The following MEF2A variants were observed in gnomAD, a reference collection of about 807,000 sequenced individuals.
MEF2A encodes myocyte-specific enhancer factor 2A.
A neutral mutation model predicts 55.8 loss-of-function variants in MEF2A; 28 were observed. The ratio of observed to expected loss-of-function variants is 0.50; its 90% CI spans 0.37 to 0.69. MEF2A has a LOEUF of 0.69. MEF2A is among the 30% of genes least tolerant of loss of function. The pLI is 0.00. For synonymous variants in MEF2A, 239 were observed against 227.1 expected, an observed-to-expected ratio of 1.05 and a Z score of -0.47; for missense variants, 528 against 626.2, an observed-to-expected ratio of 0.84 and a Z score of 1.67.
intron 7 of MEF2A, chr15:99,678,878 G>GT (rs367636920): frequency 6.6e-4 from 109 of 165,616 alleles, no homozygotes; most frequent in Middle Eastern, 3.0e-3. Flanking sequence ...CAATAGAGAG[G>GT]TTTTTTTTTA....
chr15:99,652,655 TA>T (rs895504286), intron 4 of MEF2A, among the ~76,000 whole-genome samples: 1 of 152,204 alleles, frequency 6.6e-6, no homozygotes, highest in Admixed American at 6.5e-5. Context: ...ATGAGCTATA[TA>T]AGGCCCTTCA....
chr15:99,685,757 T>C (rs1567440482), intron 7 of MEF2A, among the ~76,000 whole-genome samples: 1 of 152,146 alleles, frequency 6.6e-6, no homozygotes, highest in Admixed American at 6.5e-5. Flanking sequence ...TCATCATGGG[T>C]ATTGGTCTGT....
At chr15:99,635,320 T>TA (rs1214661467) in intron 3 of MEF2A, among the ~76,000 whole-genome samples, 1 of 152,200 alleles carries the variant, frequency 6.6e-6, no homozygotes, top group African/African-American at 2.4e-5. Context: ...ATTGGAACAG[T>TA]ACACAAATAA....
At chr15:99,705,289 G>GT in intron 9 of MEF2A, among the ~76,000 whole-genome samples, 1 of 152,286 alleles carries the variant, frequency 6.6e-6, no homozygotes, top group East Asian at 1.9e-4. Context: ...ATAAAAATAT[G>GT]TATCTTTTTT....
intron 7 of MEF2A, among the ~76,000 whole-genome samples, chr15:99,687,084 C>CTTTTTTTTTTTTTTTTTTT (rs71149484): frequency 7.4e-5 from 5 of 67,752 alleles, no homozygotes; most frequent in Non-Finnish European, 1.3e-4. Context: ...ATTAATTTTT[C>CTTTTTTTTTTTTTTTTTTT]TTTTTTTTTT....
At position 99,706,872 on chromosome 15, in the gene MEF2A, G is replaced by A; in HGVS notation, c.1009+17G>A. On this transcript the variant is annotated intron_variant, in intron 10 of 11. Coordinates refer to ENST00000557942, the MANE Select transcript of MEF2A (RefSeq NM_001319206.4). ...ACAACACTGGTGAGCCTGCTCTGGT[G>A]CCTTCCGTAGGTTTTACCGCTCTCT... 1.2e-6 allele frequency: 2 copies of A among 1,610,914 alleles called. No individual in the cohort carries two copies. The highest frequency in any genetic ancestry group is 2.2e-5 in the East Asian group (1 of 44,798).
In MEF2A at chr15:99,618,823, T is replaced by C. The variant is rs532485873; in HGVS notation, c.-142-14155T>C. Among the ~76,000 whole-genome samples, 4 of 152,348 alleles carry C rather than the reference T, an allele frequency of 2.6e-5. No individual in the cohort carries two copies. The East Asian group carries it at 7.7e-4, about 29-fold the overall frequency. On this transcript the variant is annotated intron_variant, in intron 2 of 11. Transcript: ENST00000557942. Reference sequence around the variant, plus strand: ...TTTTCACTAAGTTTGAAATTATTTTTAAAATGCAAAGTTAAAGTTGTAAGT... The same window carrying C: ...TTTTCACTAAGTTTGAAATTATTTTCAAAATGCAAAGTTAAAGTTGTAAGT...
chr15:99,708,281 G>C (rs1212176314), intron 10 of MEF2A, among the ~76,000 whole-genome samples: 1 of 152,212 alleles, frequency 6.6e-6, no homozygotes, highest in African/African-American at 2.4e-5. Context: ...GAATTGAGAA[G>C]GGAGGGCAAA....
intron 4 of MEF2A, among the ~76,000 whole-genome samples, chr15:99,661,054 G>A (rs984679276): frequency 2.0e-5 from 3 of 152,084 alleles, no homozygotes; most frequent in African/African-American, 4.8e-5. Context: ...AATGCCAAAC[G>A]TACCAATGGA....
intron 4 of MEF2A, 188 bp downstream of exon 4, chr15:99,645,952 C>T: frequency 2.2e-6 from 1 of 447,810 alleles, no homozygotes; most frequent in East Asian, 3.3e-5. Context: ...ATACTCTATT[C>T]ATTCAGACAA....
chr15:99,699,839 C>G (rs1366508315), intron 8 of MEF2A, among the ~76,000 whole-genome samples: 1 of 151,454 alleles, frequency 6.6e-6, no homozygotes, highest in African/African-American at 2.4e-5. Flanking sequence ...TAAAGGCAGC[C>G]AGGTTTCTCA....
chr15:99,712,763 G>T lies in MEF2A; in HGVS notation c.1510G>T (p.Val504Leu). 6.4e-7 allele frequency: 1 copy of T among 1,555,956 alleles called. No homozygotes were observed. Among genetic ancestry groups the T allele is most frequent in the Non-Finnish European group, 8.7e-7 (1 of 1,149,312 alleles). The change falls in exon 12 of 12, where the codon GTG (valine) becomes TTG (leucine). Residue 504 changes from valine (V) to leucine (L), a missense_variant. By Grantham distance (32) the Val-to-Leu change is conservative. This residue lies in a region of MEF2A where 450 missense variants were observed against 475.3 expected (regional missense o/e 0.95). Coordinates refer to ENST00000557942, the MANE Select transcript of MEF2A (RefSeq NM_001319206.4). This position sits in a 1 kb window ranked among gnomAD's most constrained non-coding sequence, Gnocchi z 4.1. ...AAAGCGAATGAGGATGGACGCGTGG[G>T]TGACCTAAGGCTTCCAAGCTGATGT... ...SVKRMRMDAW[V>L]T
Position 99,671,316 on chromosome 15 carries a change from A to G in MEF2A, c.259-7A>G. 6.3e-7 allele frequency: 1 copy of G among 1,594,438 alleles called. No homozygotes were observed. Among genetic ancestry groups the G allele is most frequent in the South Asian group, 1.1e-5 (1 of 88,478 alleles). The stretch of plus-strand genomic sequence containing the variant: ...ATTTGTGTGTGAATTTTCCAATTGT[A>G]TTTCAGACTTTAAGAAAGAAAGGCC... On this transcript the variant is annotated splice_polypyrimidine_tract_variant and splice_region_variant and intron_variant, in intron 4 of 11. Transcript: ENST00000557942.
chr15:99,671,605 A>G (rs932129900), intron 5 of MEF2A, 151 bp downstream of exon 5: 1 of 1,598,484 alleles, frequency 6.3e-7, no homozygotes, highest in Admixed American at 1.7e-5. Context: ...GAAGAAAAAT[A>G]TAAAAAAATT....
intron 4 of MEF2A, among the ~76,000 whole-genome samples, chr15:99,649,885 T>C (rs2046558942): frequency 6.6e-6 from 1 of 152,194 alleles, no homozygotes; most frequent in South Asian, 2.1e-4. Flanking sequence ...TCCATGTTTT[T>C]TCCTGTCATT....
chr15:99,710,622 C>A lies in MEF2A; in HGVS notation c.1010-12C>A. On this transcript the variant is annotated splice_polypyrimidine_tract_variant and intron_variant, in intron 10 of 11. Coordinates refer to ENST00000557942, the MANE Select transcript of MEF2A (RefSeq NM_001319206.4). ...TCCATCATATGCAGAGCCCTCTTGT[C>A]TTCCTTTGTAGATTATTCACTGACC... 1 of 1,604,684 alleles carries A rather than the reference C, an allele frequency of 6.2e-7. No homozygotes were observed. The highest frequency in any genetic ancestry group is 1.1e-5 in the South Asian group (1 of 90,866).
At chr15:99,571,220 C>T (rs1326006641) in intron 1 of MEF2A, among the ~76,000 whole-genome samples, 1 of 151,848 alleles carries the variant, frequency 6.6e-6, no homozygotes, top group African/African-American at 2.4e-5. Flanking sequence ...CAACAGACTT[C>T]CCATCCTAAG....
Position 99,712,823 on chromosome 15 carries a change from C to G in MEF2A, c.*52C>G, listed in dbSNP as rs1189094402. On this transcript the variant is annotated 3_prime_UTR_variant, in exon 12 of 12. Transcript: ENST00000557942. The surrounding 1 kb of genome is among the most constrained non-coding windows in gnomAD (Gnocchi z 4.1). ...TGTGTTACTGCAGTGACCTGCCCTA[C>G]ATATCTAAATCGGTAAATAAGGACA... The G allele has an allele frequency of 3.3e-6, 5 of 1,518,412 alleles. No homozygotes were observed. Among genetic ancestry groups the G allele is most frequent in the Admixed American group, 2.0e-5 (1 of 48,860 alleles). The allele number at this position is 1,518,412 out of a possible 1,614,324, so 94.1% of individuals were successfully genotyped here.
At chr15:99,586,802 T>A (rs934645593) in intron 1 of MEF2A, among the ~76,000 whole-genome samples, 1 of 152,202 alleles carries the variant, frequency 6.6e-6, no homozygotes, top group African/African-American at 2.4e-5. Context: ...AGCTTTTATT[T>A]ATAAGTCTAC....
Sources: gnomAD v4.1 joint callset for allele counts (sites outside exome capture counted in the v4.1 genomes callset) on GRCh38, gnomAD v4.1.1 for gene constraint, gnomAD v4.1.1 regional missense constraint, Gnocchi (gnomAD v3.1) non-coding constraint, MANE v1.5 for transcripts, NCBI Gene and HGNC (gene_info 2026-07-23, HGNC 2026-07-21) for gene names.